Variants in ATP6V0A4 observed in about 807,000 individuals in gnomAD.
The protein encoded by ATP6V0A4 is V-type proton ATPase 116 kDa subunit a 4.
A neutral mutation model predicts 107.3 loss-of-function variants in ATP6V0A4; 86 were observed. That is an observed-to-expected ratio of 0.80 (90% CI 0.67 to 0.96). ATP6V0A4 has a LOEUF of 0.96. Ranked by LOEUF, ATP6V0A4 falls within the 40% of genes least tolerant of loss-of-function variation. The pLI is 0.00. For missense variants in ATP6V0A4, 908 were observed against 1,045.6 expected (o/e 0.87, Z 1.81); for synonymous variants, 353 against 381.4 (o/e 0.93, Z 0.87).
At chr7:138,764,668 A>G (rs1422537250) in intron 5 of ATP6V0A4, among the ~76,000 whole-genome samples, 1 of 152,248 alleles carries the variant, frequency 6.6e-6, no homozygotes, top group Non-Finnish European at 1.5e-5. Context: ...CAAAAGGAAT[A>G]ATAACTGAAA....
chr7:138,752,323 C>T (rs920612806), intron 11 of ATP6V0A4, among the ~76,000 whole-genome samples: 3 of 151,370 alleles, frequency 2.0e-5, no homozygotes, highest in African/African-American at 7.3e-5. Flanking sequence ...TGAGCCGAGA[C>T]TGTGCCACTG....
intron 19 of ATP6V0A4, among the ~76,000 whole-genome samples, chr7:138,719,961 G>T (rs1346601690): frequency 2.0e-5 from 3 of 151,620 alleles, no homozygotes; most frequent in African/African-American, 4.9e-5. Flanking sequence ...GGAGGCAAAG[G>T]TTGCAGTGAG....
chr7:138,784,236 G>GTATATATATATATATATACGTA, intron 2 of ATP6V0A4, among the ~76,000 whole-genome samples: 1 of 16,818 alleles, frequency 5.9e-5, no homozygotes, highest in African/African-American at 1.5e-4. Flanking sequence ...ATATATATAC[G>GTATATATATATATATATACGTA]TATATATATA....
At chr7:138,706,780 G>C in intron 21 of ATP6V0A4, 63 bp from the exon 22 acceptor site, 1 of 1,602,000 alleles carries the variant, frequency 6.2e-7, no homozygotes, top group South Asian at 1.1e-5. Context: ...GTTAGAGGCT[G>C]GAAGGTGGAG....
chr7:138,715,631 GA>G, intron 20 of ATP6V0A4, 132 bp downstream of exon 20: 1 of 1,312,400 alleles, frequency 7.6e-7, no homozygotes, highest in Non-Finnish European at 1.1e-6. Flanking sequence ...CTGTGCCTGG[GA>G]AAGAAGAGTC....
chr7:138,784,785 G>C (rs1341977672), intron 2 of ATP6V0A4, among the ~76,000 whole-genome samples: 1 of 152,150 alleles, frequency 6.6e-6, no homozygotes, highest in East Asian at 1.9e-4. Flanking sequence ...TCAGGCCACT[G>C]TTCCCATTCT....
Position 138,769,169 on chromosome 7 carries a change from T to C in ATP6V0A4, c.196+4A>G, listed in dbSNP as rs1163582373. ...TAAGAAAAAAAAAAAAAAAATTGGC[T>C]TACGGAGGATTCTCTCCAGTGATTC... On this transcript the variant is annotated splice_donor_region_variant and intron_variant, in intron 4 of 21. Transcript: ENST00000310018. The C allele has an allele frequency of 1.2e-6, 2 of 1,606,946 alleles. No homozygotes were observed. Among genetic ancestry groups the C allele is most frequent in the South Asian group, 2.2e-5 (2 of 90,564 alleles).
intron 12 of ATP6V0A4, 179 bp from the exon 13 acceptor site, chr7:138,747,743 T>C (rs1562999213): frequency 6.9e-6 from 7 of 1,018,158 alleles, no homozygotes; most frequent in Non-Finnish European, 9.8e-6. Flanking sequence ...GTGCATCTGT[T>C]CCTAGGCATT....
intron 2 of ATP6V0A4, among the ~76,000 whole-genome samples, chr7:138,785,227 A>G (rs1808122602): frequency 6.6e-6 from 1 of 152,062 alleles, no homozygotes; most frequent in Non-Finnish European, 1.5e-5. Flanking sequence ...CTTCATTCAA[A>G]TAACTGATTT....
intron 5 of ATP6V0A4, among the ~76,000 whole-genome samples, chr7:138,766,146 A>C (rs1288323109): frequency 6.6e-6 from 1 of 152,106 alleles, no homozygotes; most frequent in African/African-American, 2.4e-5. Flanking sequence ...CCCCTTATCT[A>C]TTCCTACAAA....
At chr7:138,745,962 A>AATATATAT (rs1554396064) in intron 13 of ATP6V0A4, among the ~76,000 whole-genome samples, 843 of 65,350 alleles carry the variant, frequency 0.013, 7 homozygotes, top group Middle Eastern at 0.052. Flanking sequence ...AAAAAAAAAA[A>AATATATAT]ATATATATAT....
intron 8 of ATP6V0A4, among the ~76,000 whole-genome samples, chr7:138,758,093 C>T (rs1431937492): frequency 6.6e-6 from 1 of 152,186 alleles, no homozygotes; most frequent in Non-Finnish European, 1.5e-5. Context: ...CGTCCACGCT[C>T]ATCTTTTTCC....
chr7:138,709,478 C>T, intron 21 of ATP6V0A4, 146 bp downstream of exon 21: 2 of 733,606 alleles, frequency 2.7e-6, no homozygotes, highest in South Asian at 1.5e-5. Flanking sequence ...AATATTACAC[C>T]AACAGATGAC....
intron 2 of ATP6V0A4, among the ~76,000 whole-genome samples, chr7:138,783,417 A>T (rs727319): frequency 0.016 from 2,449 of 152,102 alleles, 31 homozygotes; most frequent in Admixed American, 0.032. Context: ...TTTAAAAAAA[A>T]TTTTTTTAAT....
chr7:138,766,361 G>A (rs984514580), intron 5 of ATP6V0A4, among the ~76,000 whole-genome samples: 5 of 151,612 alleles, frequency 3.3e-5, no homozygotes, highest in Admixed American at 2.6e-4. Context: ...CGCCACCCAC[G>A]CCTGGCTAAT....
chr7:138,752,714 T>A lies in ATP6V0A4; in HGVS notation c.940A>T (p.Ile314Phe). The A allele has an allele frequency of 6.2e-7, 1 of 1,614,146 alleles. No homozygotes were observed. The highest frequency in any genetic ancestry group is 8.5e-7 in the Non-Finnish European group (1 of 1,179,990). Residue 314 changes from isoleucine (I) to phenylalanine (F), a missense_variant, in exon 11 of 22, where the codon ATC (isoleucine) becomes TTC (phenylalanine). Physicochemically the swap from Ile to Phe is conservative, Grantham distance 21. Coordinates refer to ENST00000310018, the MANE Select transcript of ATP6V0A4 (RefSeq NM_020632.3). ...AVYHILNMCN[I>F]DVTQQCVIAE... is the part of the protein sequence containing the mutation. ...ATGACACACTGCTGGGTGACGTCGA[T>A]GTTGCACATGTTCAGGATGTGGTAG... is the stretch of plus-strand genomic sequence containing the variant.
chr7:138,715,318 C>T (rs1803981497), intron 20 of ATP6V0A4, among the ~76,000 whole-genome samples: 1 of 152,186 alleles, frequency 6.6e-6, no homozygotes, highest in Admixed American at 6.5e-5. Context: ...TCTCCTGCTT[C>T]AGTCTCCGAG....
chr7:138,769,304 ATTTC>A (rs1269219032), intron 3 of ATP6V0A4, 53 bp from the exon 4 acceptor site: 39 of 1,396,078 alleles, frequency 2.8e-5, no homozygotes, highest in East Asian at 4.7e-5. Flanking sequence ...CTGCCAATAG[ATTTC>A]TTTCTTTTTT....
At chr7:138,750,594 C>T (rs1441752557) in intron 11 of ATP6V0A4, among the ~76,000 whole-genome samples, 2 of 152,214 alleles carry the variant, frequency 1.3e-5, no homozygotes, top group East Asian at 3.9e-4. Flanking sequence ...CACATGCACA[C>T]CCACTGGGAT....
Sources: allele counts gnomAD v4.1 joint callset (sites outside exome capture counted in the v4.1 genomes callset), GRCh38; gene constraint gnomAD v4.1.1; transcripts MANE v1.5; gene names NCBI Gene and HGNC (gene_info 2026-07-23, HGNC 2026-07-21).